Variants in LYPLAL1 observed in about 807,000 individuals in gnomAD.
The protein encoded by LYPLAL1 is lysophospholipase-like protein 1.
LYPLAL1 carries 23 observed loss-of-function variants against 19.7 expected under a neutral mutation model. That is an observed-to-expected ratio of 1.17 (90% CI 0.84 to 1.65). The LOEUF is 1.65. Ranked by LOEUF, LYPLAL1 falls within the 40% of genes most tolerant of loss-of-function variation. The pLI is 0.00. For missense variants in LYPLAL1, 355 were observed against 279.4 expected (o/e 1.27, Z -1.93); for synonymous variants, 119 against 96.3 (o/e 1.24, Z -1.38).
At chr1:219,419,594 C>G in the LYPLAL1 span, among the ~76,000 whole-genome samples, 10,476 of 99,408 alleles carry the variant, frequency 0.11, 1,193 homozygotes, top group African/African-American at 0.29. Context: ...CACACACACA[C>G]AGAGAGAGAG....
the LYPLAL1 span, among the ~76,000 whole-genome samples, chr1:219,317,578 T>C: frequency 6.6e-6 from 1 of 152,208 alleles, no homozygotes; most frequent in African/African-American, 2.4e-5. Flanking sequence ...TGAGAAAGTA[T>C]GCAGTTATCC....
At chr1:219,421,221 C>T in the LYPLAL1 span, among the ~76,000 whole-genome samples, 1 of 152,120 alleles carries the variant, frequency 6.6e-6, no homozygotes, top group Non-Finnish European at 1.5e-5. Flanking sequence ...GTTGGGACAT[C>T]TAATCAATCC....
At chr1:219,182,412 T>G (rs1656363314) in intron 2 of LYPLAL1, among the ~76,000 whole-genome samples, 1 of 152,106 alleles carries the variant, frequency 6.6e-6, no homozygotes, top group Admixed American at 6.6e-5. Flanking sequence ...ATTTGCGGTT[T>G]TAAGGATAGT....
chr1:219,262,251 T>A, the LYPLAL1 span, among the ~76,000 whole-genome samples: 1 of 152,184 alleles, frequency 6.6e-6, no homozygotes, highest in Non-Finnish European at 1.5e-5. Context: ...TTCATCTATA[T>A]CCTGTATTAT....
At chr1:219,438,951 C>T in the LYPLAL1 span, among the ~76,000 whole-genome samples, 2 of 152,180 alleles carry the variant, frequency 1.3e-5, no homozygotes, top group Non-Finnish European at 2.9e-5. Context: ...CTTGATAACC[C>T]TATTAAATCT....
the LYPLAL1 span, chr1:219,411,692 C>G: frequency 2.0e-5 from 3 of 153,280 alleles, no homozygotes; most frequent in African/African-American, 7.2e-5. Flanking sequence ...TGGGTCCACG[C>G]TGCTTTTACG....
At chr1:219,399,627 G>A in the LYPLAL1 span, among the ~76,000 whole-genome samples, 2 of 152,112 alleles carry the variant, frequency 1.3e-5, no homozygotes, top group African/African-American at 4.8e-5. Context: ...CCCTGATGGA[G>A]CTCTCCACTG....
At chr1:219,384,317 C>T in the LYPLAL1 span, among the ~76,000 whole-genome samples, 16,301 of 152,240 alleles carry the variant, frequency 0.11, 910 homozygotes, top group Middle Eastern at 0.12. Flanking sequence ...TTTTAAAATT[C>T]TGTATTTGCA....
At chr1:219,233,023 ATTCTTC>A in the LYPLAL1 span, among the ~76,000 whole-genome samples, 2 of 152,196 alleles carry the variant, frequency 1.3e-5, no homozygotes, top group Non-Finnish European at 2.9e-5. Flanking sequence ...TGATCCAGTG[ATTCTTC>A]TTCTTGGTAT....
At chr1:219,217,657 C>A (rs1471385839), downstream of LYPLAL1, among the ~76,000 whole-genome samples, 1 of 152,056 alleles carries the variant, frequency 6.6e-6, no homozygotes, top group East Asian at 1.9e-4. Flanking sequence ...TATGTGTGGT[C>A]TCTTAAAGCC....
chr1:219,229,337 GAC>G, the LYPLAL1 span, among the ~76,000 whole-genome samples: 4 of 129,990 alleles, frequency 3.1e-5, no homozygotes, highest in East Asian at 2.3e-4. Flanking sequence ...GAGAGAGAGA[GAC>G]ACGCAGGCTA....
the LYPLAL1 span, among the ~76,000 whole-genome samples, chr1:219,293,223 T>G: frequency 1.3e-5 from 2 of 151,944 alleles, no homozygotes; most frequent in African/African-American, 4.8e-5. Context: ...TCCACAGAGT[T>G]TTGACATTTC....
At chr1:219,360,391 G>A in the LYPLAL1 span, among the ~76,000 whole-genome samples, 1 of 152,038 alleles carries the variant, frequency 6.6e-6, no homozygotes, top group Admixed American at 6.6e-5. Flanking sequence ...GCACTCTCAG[G>A]CTTGCCTTCA....
the LYPLAL1 span, among the ~76,000 whole-genome samples, chr1:219,343,942 T>C: frequency 6.6e-6 from 1 of 152,188 alleles, no homozygotes; most frequent in African/African-American, 2.4e-5. Flanking sequence ...CCACAGCTAA[T>C]TGTATTTCCA....
chr1:219,193,868 A>T (rs377093606), intron 3 of LYPLAL1, among the ~76,000 whole-genome samples: 1 of 151,902 alleles, frequency 6.6e-6, no homozygotes, highest in Admixed American at 6.6e-5. Context: ...GGTACACGAC[A>T]TATTTTGGTG....
At chr1:219,176,240 CTCAGA>C (rs1219733202) in intron 1 of LYPLAL1, among the ~76,000 whole-genome samples, 1 of 152,126 alleles carries the variant, frequency 6.6e-6, no homozygotes, top group Non-Finnish European at 1.5e-5. Context: ...TGTTCAGTCT[CTCAGA>C]TCAGATTAAT....
chr1:219,276,976 A>G, the LYPLAL1 span, among the ~76,000 whole-genome samples: 1 of 152,190 alleles, frequency 6.6e-6, no homozygotes, highest in Non-Finnish European at 1.5e-5. Context: ...TACCCCAATG[A>G]CTTCCATATT....
chr1:219,365,590 A>G, the LYPLAL1 span, among the ~76,000 whole-genome samples: 2 of 152,144 alleles, frequency 1.3e-5, no homozygotes, highest in African/African-American at 4.8e-5. Flanking sequence ...TTCCCTGGAT[A>G]CCTCTACAAA....
the LYPLAL1 span, among the ~76,000 whole-genome samples, chr1:219,381,125 G>T: frequency 1.3e-5 from 2 of 152,140 alleles, no homozygotes; most frequent in African/African-American, 4.8e-5. Flanking sequence ...GAGAGGGACC[G>T]GGTGGGAGGT....
Sources: gnomAD v4.1 joint callset for allele counts (sites outside exome capture counted in the v4.1 genomes callset) on GRCh38, gnomAD v4.1.1 for gene constraint, MANE v1.5 for transcripts, NCBI Gene and HGNC (gene_info 2026-07-23, HGNC 2026-07-21) for gene names.